HSPA1L: variants seen among roughly 807,000 people sequenced by gnomAD.
The protein encoded by HSPA1L is heat shock protein family A (Hsp70) member 1 like.
In HSPA1L, 21 loss-of-function variants were observed where a neutral mutation model predicts 31.5. The observed-to-expected ratio is 0.67, with a 90% CI of 0.47 to 0.96. HSPA1L has a LOEUF of 0.96. Ranked by LOEUF, HSPA1L falls within the 40% of genes least tolerant of loss-of-function variation. HSPA1L has a pLI of 0.00. For synonymous variants in HSPA1L, 293 were observed against 323.1 expected (o/e 0.91, Z 1.00); for missense variants, 709 against 813.4 (o/e 0.87, Z 1.56).
In HSPA1L at chr6:31,810,920, C is replaced by G. The variant is rs199780750; in HGVS notation, c.1053G>C (p.Leu351=). ...GSTRIPKVQR[L]LQDYFNGRDL... ...CACGTCCATTGAAGTAGTCCTGAAG[C>G]AGCCGCTGCACCTTGGGGATGCGGG... Residue 351 remains leucine, a synonymous_variant, in exon 2 of 2, where the codon CTG becomes CTC. Coordinates refer to ENST00000375654, the MANE Select transcript of HSPA1L (RefSeq NM_005527.4). 49 of 1,614,070 alleles carry G rather than the reference C, an allele frequency of 3.0e-5. No homozygotes were observed. In the Middle Eastern group the frequency reaches 6.6e-4, roughly 22 times the overall value.
Position 31,811,955 on chromosome 6 carries a change from T to A in HSPA1L, c.18A>T (p.Gly6=), listed in dbSNP as rs1815455538. ...TGCCCAGGTCGATGCCTATGGCGAT[T>A]CCCTTGGCAGTAGCCATGGTTCTCT... The part of the protein sequence containing the change: MATAK[G]IAIGIDLGTT... Residue 6 remains glycine (G), a synonymous_variant, in exon 2 of 2, where the codon GGA becomes GGT. Coordinates refer to ENST00000375654, the MANE Select transcript of HSPA1L (RefSeq NM_005527.4). 2 of 1,614,040 alleles carry A rather than the reference T, an allele frequency of 1.2e-6. No individual in the cohort carries two copies. Among genetic ancestry groups the A allele is most frequent in the Non-Finnish European group, 1.7e-6 (2 of 1,180,002 alleles).
chr6:31,811,382 G>A lies in HSPA1L; in HGVS notation c.591C>T (p.Val197=). The A allele has an allele frequency of 1.2e-6, 2 of 1,614,084 alleles. No individual in the cohort carries two copies. The highest frequency in any genetic ancestry group is 1.7e-6 in the Non-Finnish European group (2 of 1,179,996). ...LDKGGQGERH[V]LIFDLGGGTF... is the part of the protein sequence containing the mutation. ...TGCCTCCACCCAGATCAAAAATCAG[G>A]ACATGTCGTTCTCCTTGACCTCCTT... Residue 197 remains valine (V), a synonymous_variant, in exon 2 of 2, where the codon GTC becomes GTT. Coordinates refer to ENST00000375654, the MANE Select transcript of HSPA1L (RefSeq NM_005527.4).
intron 1 of HSPA1L, among the ~76,000 whole-genome samples, chr6:31,814,654 C>T (rs1459927057): frequency 6.8e-6 from 1 of 146,342 alleles, no homozygotes; most frequent in Middle Eastern, 3.5e-3. Context: ...CCGCCTTCCC[C>T]GCCTCCCCAT....
intron 1 of HSPA1L, among the ~76,000 whole-genome samples, chr6:31,812,707 A>G (rs1032574718): frequency 2.0e-5 from 3 of 152,170 alleles, no homozygotes; most frequent in Admixed American, 6.5e-5. Flanking sequence ...AGTGAGTTCA[A>G]TCACAGCGGT....
At position 31,814,573 on chromosome 6, in the gene HSPA1L, T is replaced by G. The variant is rs967631949; in HGVS notation, c.-14+316A>C. On this transcript the variant is annotated intron_variant, in intron 1 of 1. Transcript: ENST00000375654. ...AAATAAAGGGTTTAGTGTCTATCCC[T>G]CTCCACACCGCAGATTCCTAGGCCG... Among the ~76,000 whole-genome samples, 23 of 150,726 alleles carry G rather than the reference T, an allele frequency of 1.5e-4. No individual in the cohort carries two copies. In the South Asian group the frequency reaches 2.7e-3, roughly 18 times the overall value.
chr6:31,812,017 A>G (rs1437782302), intron 1 of HSPA1L, 32 bp from the exon 2 acceptor site: 2 of 1,592,734 alleles, frequency 1.3e-6, no homozygotes, highest in Non-Finnish European at 1.7e-6. Context: ...CTGTTTTGGG[A>G]GAGTGCTTTT....
intron 1 of HSPA1L, 109 bp downstream of exon 1, chr6:31,814,780 G>T: frequency 2.4e-6 from 1 of 418,200 alleles, no homozygotes; most frequent in Non-Finnish European, 3.2e-6. Context: ...ATCAGCCAAC[G>T]CCCACATACC....
chr6:31,811,235 C>T lies in HSPA1L; in HGVS notation c.738G>A (p.Glu246=). The T allele has an allele frequency of 6.2e-7, 1 of 1,614,146 alleles. No homozygotes were observed. Among genetic ancestry groups the T allele is most frequent in the Non-Finnish European group, 8.5e-7 (1 of 1,180,052 alleles). Residue 246 remains glutamate, a synonymous_variant, in exon 2 of 2, where the codon GAG becomes GAA. Transcript: ENST00000375654. Reference sequence around the variant, plus strand: ...TGTCCTTTTTGTGTTTCCTCTTGAACTCCTCCACGAAGTGGCTCACAAGCC... The same window carrying T: ...TGTCCTTTTTGTGTTTCCTCTTGAATTCCTCCACGAAGTGGCTCACAAGCC... ...DNRLVSHFVE[E]FKRKHKKDIS...
At position 31,811,489 on chromosome 6, in the gene HSPA1L, C is replaced by A. The variant is rs564894041; in HGVS notation, c.484G>T (p.Asp162Tyr). The A allele has an allele frequency of 3.1e-6, 5 of 1,614,200 alleles. No individual in the cohort carries two copies. The South Asian group carries it at 5.5e-5, about 18-fold the overall frequency. ...TTAAGTCCAGCAATCACACCTGCATCCTTAGTAGCCTGACGTTGAGAGTCA... is the reference window on the plus strand; with the variant it reads ...TTAAGTCCAGCAATCACACCTGCATACTTAGTAGCCTGACGTTGAGAGTCA... ...FNDSQRQATKDAGVIAGLNVL... is the reference protein window; with the variant it reads ...FNDSQRQATKYAGVIAGLNVL... The change falls in exon 2 of 2, where the codon GAT becomes TAT. Residue 162 changes from aspartate (D) to tyrosine (Y), a missense_variant. By Grantham distance (160) the Asp-to-Tyr change is radical. Transcript: ENST00000375654.
chr6:31,813,339 T>C (rs1815567616), intron 1 of HSPA1L, among the ~76,000 whole-genome samples: 1 of 152,208 alleles, frequency 6.6e-6, no homozygotes, highest in Admixed American at 6.5e-5. Context: ...AGTCTCACTC[T>C]GTTACCCAGG....
rs35804213 is a variant in HSPA1L, at chr6:31,813,585, A to G, written c.-14+1304T>C. Among the ~76,000 whole-genome samples, 1,052 of 152,240 alleles carry G rather than the reference A, an allele frequency of 6.9e-3. 9 individuals are homozygous for G. Among genetic ancestry groups the G allele is most frequent in the African/African-American group, 0.024 (993 of 41,552 alleles). On this transcript the variant is annotated intron_variant, in intron 1 of 1. Transcript: ENST00000375654. ...CTCCCTAAGTTCTGGGATGGCAGGC[A>G]TGAGCCACCACCGCACCCGGCCTAT...
Position 31,811,900 on chromosome 6 carries a change from G to C in HSPA1L, c.73C>G (p.His25Asp), listed in dbSNP as rs1815449275. 5 of 1,614,190 alleles carry C rather than the reference G, an allele frequency of 3.1e-6. No homozygotes were observed. The South Asian group carries it at 5.5e-5, about 18-fold the overall frequency. Residue 25 changes from histidine to aspartate, a missense_variant, in exon 2 of 2, where the codon CAC becomes GAC. Coordinates refer to ENST00000375654, the MANE Select transcript of HSPA1L (RefSeq NM_005527.4). ...TTGGCGATGATCTCCACCTTGCCGTGCTGGAACACCCCCACACAGGAGTAG... is the reference window on the plus strand; with the variant it reads ...TTGGCGATGATCTCCACCTTGCCGTCCTGGAACACCCCCACACAGGAGTAG... Reference protein sequence around the residue: ...TTYSCVGVFQHGKVEIIANDQ... With the variant: ...TTYSCVGVFQDGKVEIIANDQ...
At chr6:31,812,064 T>G in intron 1 of HSPA1L, 79 bp from the exon 2 acceptor site, 1 of 1,491,442 alleles carries the variant, frequency 6.7e-7, no homozygotes, top group South Asian at 1.4e-5. Context: ...GGTCTTCCTC[T>G]GTCACCCAGG....
Position 31,814,971 on chromosome 6 carries a change from CAA to C in HSPA1L, c.-98_-97del. 1 of 985,754 alleles carries C rather than the reference CAA, an allele frequency of 1.0e-6. No homozygotes were observed. Among genetic ancestry groups the C allele is most frequent in the Non-Finnish European group, 1.2e-6 (1 of 830,164 alleles). 61.1% of individuals were successfully genotyped at this position (985,754 alleles called of 1,614,324 possible). A position where few individuals can be genotyped will look rare whatever the true frequency, so the allele number is the denominator to read the frequency against. On this transcript the variant is annotated 5_prime_UTR_variant, in exon 1 of 2. An upstream open reading frame in the 5' UTR gains an earlier in-frame stop. Transcript: ENST00000375654. ...GAGTAGGTGGGGGCTCCCTCAATAT[CAA>C]ACTGCACAACCGGGGTCCCCCCACC...
In HSPA1L at chr6:31,811,619, A is replaced by C; in HGVS notation, c.354T>G (p.Pro118=). The C allele has an allele frequency of 6.2e-7, 1 of 1,614,198 alleles. No individual in the cohort carries two copies. Among genetic ancestry groups the C allele is most frequent in the East Asian group, 2.2e-5 (1 of 44,892 alleles). ...TCAATACCATCGAAGAGATTTCCTCAGGGTAGAAAGCTTTATTCTCCCCTT... is the reference window on the plus strand; with the variant it reads ...TCAATACCATCGAAGAGATTTCCTCCGGGTAGAAAGCTTTATTCTCCCCTT... The part of the protein sequence containing the change: ...SYKGENKAFY[P]EEISSMVLTK... Residue 118 remains proline, a synonymous_variant, in exon 2 of 2, where the codon CCT becomes CCG. Coordinates refer to ENST00000375654, the MANE Select transcript of HSPA1L (RefSeq NM_005527.4).
At position 31,815,048 on chromosome 6, in the gene HSPA1L, CT is replaced by C; in HGVS notation, c.-174del. On this transcript the variant is annotated 5_prime_UTR_variant, in exon 1 of 2. It removes the in-frame stop codon of an upstream open reading frame in the 5' UTR. Transcript: ENST00000375654. Reference sequence around the variant, plus strand: ...TTTGAGACGGCTCCAACTCAGTAATCTTTTTCCAAACTGGCCCATGAGGTCA... The same window carrying C: ...TTTGAGACGGCTCCAACTCAGTAATCTTTTCCAAACTGGCCCATGAGGTCA... The C allele has an allele frequency of 1.1e-6, 1 of 951,978 alleles. No individual in the cohort carries two copies. The highest frequency in any genetic ancestry group is 1.2e-6 in the Non-Finnish European group (1 of 809,570). The allele number at this position is 951,978 out of a possible 1,614,324, so 59.0% of individuals were successfully genotyped here.
In HSPA1L at chr6:31,814,975, C is replaced by T. The variant is rs1815780045; in HGVS notation, c.-100G>A. On this transcript the variant is annotated 5_prime_UTR_variant, in exon 1 of 2. Transcript: ENST00000375654. ...AGGTGGGGGCTCCCTCAATATCAAA[C>T]TGCACAACCGGGGTCCCCCCACCCC... 4.1e-6 allele frequency: 4 copies of T among 985,484 alleles called. No individual in the cohort carries two copies. Among genetic ancestry groups the T allele is most frequent in the Non-Finnish European group, 4.8e-6 (4 of 829,904 alleles). The allele number at this position is 985,484 out of a possible 1,614,324, so 61.0% of individuals were successfully genotyped here.
At chr6:31,813,561 T>A (rs1219392532) in intron 1 of HSPA1L, among the ~76,000 whole-genome samples, 1 of 152,144 alleles carries the variant, frequency 6.6e-6, no homozygotes, top group African/African-American at 2.4e-5. Context: ...CGCCTCGGTC[T>A]CCCTAAGTTC....
rs1050157578 is a variant in HSPA1L, at chr6:31,810,863, G to A, written c.1110C>T (p.Ala370=). Residue 370 remains alanine (A), a synonymous_variant, in exon 2 of 2, where the codon GCC becomes GCT. Transcript: ENST00000375654. ...DLNKSINPDE[A]VAYGAAVQAA... The stretch of plus-strand genomic sequence containing the variant: ...CTTGTACCGCAGCCCCATATGCTAC[G>A]GCCTCATCAGGGTTGATGCTCTTGT... The A allele has an allele frequency of 4.6e-5, 74 of 1,613,942 alleles. No homozygotes were observed. Among genetic ancestry groups the A allele is most frequent in the Middle Eastern group, 3.3e-4 (2 of 6,084 alleles).
Sources: allele counts gnomAD v4.1 joint callset (sites outside exome capture counted in the v4.1 genomes callset), GRCh38; gene constraint gnomAD v4.1.1; transcripts MANE v1.5; gene names NCBI Gene and HGNC (gene_info 2026-07-23, HGNC 2026-07-21).